NOL10: variants seen among roughly 807,000 people sequenced by gnomAD.
NOL10 encodes H_NH0074G24.1.
NOL10 carries 58 observed loss-of-function variants against 103.5 expected under a neutral mutation model. The observed-to-expected ratio is 0.56, with a 90% CI of 0.45 to 0.70. NOL10 has a LOEUF of 0.70. Among genes scored for constraint, NOL10 ranks in the 30% least tolerant of loss-of-function variants. The pLI is 0.00. For synonymous variants in NOL10, 287 were observed against 282.5 expected (o/e 1.02, Z -0.16); for missense variants, 763 against 807.3 (o/e 0.95, Z 0.67).
intron 13 of NOL10, among the ~76,000 whole-genome samples, chr2:10,627,665 A>G (rs1046034730): frequency 2.0e-5 from 3 of 151,002 alleles, no homozygotes; most frequent in African/African-American, 7.3e-5. Flanking sequence ...ACAGCGTAAG[A>G]CTCCGTCTCA....
intron 9 of NOL10, among the ~76,000 whole-genome samples, chr2:10,660,280 T>C (rs759734264): frequency 6.6e-6 from 1 of 152,212 alleles, no homozygotes; most frequent in South Asian, 2.1e-4. Flanking sequence ...TCTTTCAGTA[T>C]AGTGATATAC....
chr2:10,627,472 G>A (rs546319701), intron 13 of NOL10, among the ~76,000 whole-genome samples: 6 of 152,112 alleles, frequency 3.9e-5, no homozygotes, highest in African/African-American at 9.6e-5. Flanking sequence ...TCAGGAGATC[G>A]AGACTATCTT....
At chr2:10,605,690 C>T (rs558066660) in intron 14 of NOL10, among the ~76,000 whole-genome samples, 40 of 151,390 alleles carry the variant, frequency 2.6e-4, no homozygotes, top group Non-Finnish European at 4.4e-4. Flanking sequence ...AGAACAATGA[C>T]CTTTTTTCAT....
At chr2:10,598,675 A>G (rs1185051503) in intron 17 of NOL10, among the ~76,000 whole-genome samples, 1 of 152,214 alleles carries the variant, frequency 6.6e-6, no homozygotes, top group East Asian at 1.9e-4. Context: ...AAACATCGGA[A>G]GCTTATCCAA....
At chr2:10,586,785 C>T (rs1572237498) in intron 19 of NOL10, among the ~76,000 whole-genome samples, 1 of 151,764 alleles carries the variant, frequency 6.6e-6, no homozygotes, top group Non-Finnish European at 1.5e-5. Flanking sequence ...TTCTTAATAA[C>T]ATTTGCTTTT....
intron 20 of NOL10, among the ~76,000 whole-genome samples, chr2:10,577,272 G>A (rs1443639345): frequency 3.9e-5 from 6 of 152,160 alleles, no homozygotes; most frequent in Non-Finnish European, 1.5e-5. Flanking sequence ...AGAGGGTCAG[G>A]ATGTAGTAGC....
At chr2:10,643,950 A>C (rs1234291443) in intron 13 of NOL10, among the ~76,000 whole-genome samples, 1 of 152,148 alleles carries the variant, frequency 6.6e-6, no homozygotes. Context: ...CAATACATCC[A>C]ATTTAAAAAG....
intron 17 of NOL10, among the ~76,000 whole-genome samples, chr2:10,598,852 T>C (rs1471142408): frequency 6.6e-6 from 1 of 152,210 alleles, no homozygotes; most frequent in Admixed American, 6.5e-5. Flanking sequence ...ATGTTTTAAA[T>C]TACAATATAA....
intron 13 of NOL10, among the ~76,000 whole-genome samples, chr2:10,641,768 C>T (rs1416103936): frequency 1.3e-5 from 2 of 152,170 alleles, no homozygotes; most frequent in East Asian, 3.8e-4. Flanking sequence ...CAATTCTATG[C>T]CCATGGCCAC....
intron 4 of NOL10, among the ~76,000 whole-genome samples, chr2:10,675,194 T>C (rs975431333): frequency 2.0e-5 from 3 of 149,708 alleles, no homozygotes; most frequent in African/African-American, 7.4e-5. Flanking sequence ...CAAGACCCTA[T>C]CTCTTTAAAA....
At chr2:10,602,626 T>C in intron 16 of NOL10, 150 bp downstream of exon 16, 1 of 600,382 alleles carries the variant, frequency 1.7e-6, no homozygotes, top group Non-Finnish European at 2.9e-6. Flanking sequence ...GACACACTGA[T>C]GACAAACAAA....
chr2:10,641,174 CAAAAAAAA>C, intron 13 of NOL10, among the ~76,000 whole-genome samples: 1 of 99,476 alleles, frequency 1.0e-5, no homozygotes, highest in African/African-American at 3.6e-5. Context: ...TACAAAAATA[CAAAAAAAA>C]AAAAAAAAAA....
At position 10,686,345 on chromosome 2, in the gene NOL10, G is replaced by A. The variant is rs556641104; in HGVS notation, c.67-1733C>T. 4.6e-5 allele frequency among the ~76,000 whole-genome samples: 7 copies of A among 152,278 alleles called. No homozygotes were observed. The South Asian group carries it at 8.3e-4, about 18-fold the overall frequency. ...GGCAGGACCTGTGCCAAGGTCCTACGGCAGGAGTGTGCCTGGTCTCGAGCA... is the reference window on the plus strand; with the variant it reads ...GGCAGGACCTGTGCCAAGGTCCTACAGCAGGAGTGTGCCTGGTCTCGAGCA... On this transcript the variant is annotated intron_variant, in intron 1 of 20. Transcript: ENST00000381685.
chr2:10,620,084 A>G (rs1677049125), intron 13 of NOL10, among the ~76,000 whole-genome samples: 1 of 152,190 alleles, frequency 6.6e-6, no homozygotes, highest in African/African-American at 2.4e-5. Flanking sequence ...CCTGGTAATG[A>G]GCATCTCCCA....
In NOL10 at chr2:10,616,463, G is replaced by A. The variant is rs185526729; in HGVS notation, c.1027-9152C>T. ...TCAAATTCCTGGCCTCAGGTGATCC[G>A]CCCGCCTTGGCCTCCCAAAGTGCTG... On this transcript the variant is annotated intron_variant, in intron 13 of 20. Transcript: ENST00000381685. 4.3e-4 allele frequency among the ~76,000 whole-genome samples: 66 copies of A among 152,040 alleles called. No homozygotes were observed. The East Asian group carries it at 7.9e-3, about 18-fold the overall frequency.
At chr2:10,581,132 A>G (rs1361994356) in intron 19 of NOL10, among the ~76,000 whole-genome samples, 1 of 152,222 alleles carries the variant, frequency 6.6e-6, no homozygotes, top group Non-Finnish European at 1.5e-5. Context: ...TCAGGCAACC[A>G]CGAAATCTGA....
intron 13 of NOL10, among the ~76,000 whole-genome samples, chr2:10,627,520 A>G (rs1677545333): frequency 6.6e-6 from 1 of 151,992 alleles, no homozygotes; most frequent in Admixed American, 6.6e-5. Flanking sequence ...CCAAAAATAC[A>G]AAAAATTAGT....
chr2:10,673,225 G>A (rs972867876), intron 5 of NOL10: 2 of 242,540 alleles, frequency 8.2e-6, no homozygotes, highest in African/African-American at 4.5e-5. Flanking sequence ...TAGAATACAG[G>A]ATGATATAAA....
intron 3 of NOL10, among the ~76,000 whole-genome samples, chr2:10,677,363 A>C (rs1681384484): frequency 6.6e-6 from 1 of 152,180 alleles, no homozygotes; most frequent in South Asian, 2.1e-4. Context: ...AAGACATCTT[A>C]AAAATAAAAG....
Sources: gnomAD v4.1 joint callset for allele counts (sites outside exome capture counted in the v4.1 genomes callset) on GRCh38, gnomAD v4.1.1 for gene constraint, MANE v1.5 for transcripts, NCBI Gene and HGNC (gene_info 2026-07-23, HGNC 2026-07-21) for gene names.